The following HIVEP1 variants were observed in gnomAD, a reference collection of about 807,000 sequenced individuals.
HIVEP1 encodes HIVEP zinc finger 1.
Under a neutral mutation model 180.0 loss-of-function variants are expected in HIVEP1, and 36 were observed. The ratio of observed to expected loss-of-function variants is 0.20; its 90% confidence interval spans 0.15 to 0.26. The LOEUF (loss-of-function observed/expected upper bound fraction) is 0.26. HIVEP1 is among the 10% of genes least tolerant of loss of function. HIVEP1 has a pLI of 1.00. For synonymous variants in HIVEP1, 1,239 were observed against 1,239.0 expected (o/e 1.00, Z 0.00); for missense variants, 3,143 against 3,268.7 (o/e 0.96, Z 0.94).
chr6:12,089,265 C>T (rs575755844), intron 3 of HIVEP1, 28 bp downstream of exon 3: 94 of 1,380,532 alleles, frequency 6.8e-5, no homozygotes, highest in African/African-American at 2.9e-5. Context: ...TGAATGTAAA[C>T]TTTATTCTTG....
intron 2 of HIVEP1, among the ~76,000 whole-genome samples, chr6:12,054,247 T>TG (rs1343335838): frequency 6.6e-6 from 1 of 152,228 alleles, no homozygotes; most frequent in Non-Finnish European, 1.5e-5. Flanking sequence ...GTGGAAACTA[T>TG]GGTATGAAAA....
At chr6:12,058,063 G>A (rs561109460) in intron 2 of HIVEP1, among the ~76,000 whole-genome samples, 2 of 152,194 alleles carry the variant, frequency 1.3e-5, no homozygotes, top group South Asian at 4.1e-4. Flanking sequence ...GAGTACATAA[G>A]TCCCTGAGGC....
intron 2 of HIVEP1, among the ~76,000 whole-genome samples, chr6:12,031,674 C>T (rs1768948543): frequency 6.6e-6 from 1 of 152,182 alleles, no homozygotes; most frequent in South Asian, 2.1e-4. Flanking sequence ...CAAAAAATGC[C>T]AATGTGCTAG....
chr6:12,086,172 GC>G (rs1174905791), intron 2 of HIVEP1, among the ~76,000 whole-genome samples: 1 of 152,024 alleles, frequency 6.6e-6, no homozygotes, highest in Non-Finnish European at 1.5e-5. Context: ...TGCTGTTTTA[GC>G]CACTGGCCTT....
Position 12,124,334 on chromosome 6 carries a change from T to G in HIVEP1, c.4539T>G (p.Asn1513Lys), listed in dbSNP as rs762105898. The G allele has an allele frequency of 4.8e-5, 78 of 1,614,082 alleles. 1 individual carries two copies. The East Asian group carries it at 1.6e-3, about 34-fold the overall frequency. The change falls in exon 4 of 9, where the codon AAT (asparagine) becomes AAG (lysine). Residue 1513 changes from asparagine (N) to lysine (K), a missense_variant. Asn to Lys is a moderately conservative substitution (Grantham distance 94). Coordinates refer to ENST00000379388, the MANE Select transcript of HIVEP1 (RefSeq NM_002114.4). ...VFPVQQLCDI[N>K]LLNQIHAPPS... ...CTGTTCAACAGCTCTGTGATATCAA[T>G]TTGTTAAATCAAATCCATGCACCGC... is the stretch of plus-strand genomic sequence containing the variant.
intron 2 of HIVEP1, among the ~76,000 whole-genome samples, chr6:12,024,122 A>G (rs1358033889): frequency 6.6e-6 from 1 of 152,182 alleles, no homozygotes; most frequent in Non-Finnish European, 1.5e-5. Flanking sequence ...ATTGTTCACT[A>G]TAGCACAAAA....
chr6:12,051,522 ATGTG>A (rs1770538554), intron 2 of HIVEP1, among the ~76,000 whole-genome samples: 1 of 151,954 alleles, frequency 6.6e-6, no homozygotes, highest in African/African-American at 2.4e-5. Flanking sequence ...TGCCTTTACT[ATGTG>A]TGTGTATACA....
Position 12,129,849 on chromosome 6 carries a change from T to G in HIVEP1, c.6166T>G (p.Leu2056Val). The G allele has an allele frequency of 1.9e-6, 3 of 1,581,810 alleles. No homozygotes were observed. The highest frequency in any genetic ancestry group is 1.7e-6 in the Non-Finnish European group (2 of 1,151,906). The change falls in exon 5 of 9, where the codon TTA becomes GTA. Residue 2056 changes from leucine (L) to valine (V), a missense_variant. Coordinates refer to ENST00000379388, the MANE Select transcript of HIVEP1 (RefSeq NM_002114.4). Reference protein sequence around the residue: ...INSEQDKENSLIKSEPRRIKI... With the variant: ...INSEQDKENSVIKSEPRRIKI... ...CAGTGAGCAAGATAAAGAAAATTCC[T>G]TAATCAAAAGTGAACCAAGAAGAAT... is the stretch of plus-strand genomic sequence containing the variant.
chr6:12,138,181 A>G (rs1227039306), intron 7 of HIVEP1, among the ~76,000 whole-genome samples: 2 of 152,200 alleles, frequency 1.3e-5, no homozygotes, highest in Admixed American at 1.3e-4. Flanking sequence ...AAACAGTACC[A>G]CTTTGTATGT....
chr6:12,056,394 G>C (rs1252953852), intron 2 of HIVEP1, among the ~76,000 whole-genome samples: 1 of 152,162 alleles, frequency 6.6e-6, no homozygotes, highest in Admixed American at 6.5e-5. Flanking sequence ...ATTCATAGCA[G>C]TTAATGTCTT....
intron 2 of HIVEP1, among the ~76,000 whole-genome samples, chr6:12,045,766 AT>A (rs2113697777): frequency 6.6e-6 from 1 of 152,364 alleles, no homozygotes; most frequent in African/African-American, 2.4e-5. Flanking sequence ...GACAATTAAA[AT>A]TGCCTTATAA....
chr6:12,023,727 C>T (rs983735060), intron 2 of HIVEP1, among the ~76,000 whole-genome samples: 4 of 151,886 alleles, frequency 2.6e-5, no homozygotes, highest in Non-Finnish European at 5.9e-5. Context: ...TGCTTATTAA[C>T]GTTAGCCAAA....
At chr6:12,160,394 G>T (rs903218087) in intron 7 of HIVEP1, among the ~76,000 whole-genome samples, 1 of 152,178 alleles carries the variant, frequency 6.6e-6, no homozygotes, top group African/African-American at 2.4e-5. Context: ...GGAAATTGTA[G>T]CATCTCTCTG....
At chr6:12,113,073 G>T (rs1446643003) in intron 3 of HIVEP1, among the ~76,000 whole-genome samples, 1 of 151,860 alleles carries the variant, frequency 6.6e-6, no homozygotes, top group Non-Finnish European at 1.5e-5. Context: ...GCACTTCTCT[G>T]GCCTCGTCCT....
At chr6:12,194,979 G>A in the HIVEP1 span, among the ~76,000 whole-genome samples, 1 of 152,126 alleles carries the variant, frequency 6.6e-6, no homozygotes, top group African/African-American at 2.4e-5. Context: ...ATCAAATTAT[G>A]CAATTCTTAT....
intron 7 of HIVEP1, among the ~76,000 whole-genome samples, chr6:12,160,336 C>T (rs1029063022): frequency 2.0e-5 from 3 of 152,120 alleles, no homozygotes; most frequent in African/African-American, 7.2e-5. Flanking sequence ...GATAATATCC[C>T]CCTTTCTATG....
intron 2 of HIVEP1, among the ~76,000 whole-genome samples, chr6:12,083,207 G>A (rs9394520): frequency 0.05 from 7,536 of 152,044 alleles, 194 homozygotes; most frequent in Middle Eastern, 0.1. Flanking sequence ...AAAATGTTTA[G>A]AATTATGTCT....
intron 7 of HIVEP1, among the ~76,000 whole-genome samples, chr6:12,137,020 T>C (rs1758742774): frequency 6.6e-6 from 1 of 152,252 alleles, no homozygotes; most frequent in African/African-American, 2.4e-5. Flanking sequence ...GAGGACATCA[T>C]TGAATATATA....
chr6:12,153,953 G>A (rs1442278635), intron 7 of HIVEP1, among the ~76,000 whole-genome samples: 6 of 152,128 alleles, frequency 3.9e-5, no homozygotes, highest in Admixed American at 3.3e-4. Context: ...TTCAAGACCC[G>A]CCTGACCAAC....
Sources: gnomAD v4.1 joint callset for allele counts (sites outside exome capture counted in the v4.1 genomes callset) on GRCh38, gnomAD v4.1.1 for gene constraint, MANE v1.5 for transcripts, NCBI Gene and HGNC (gene_info 2026-07-23, HGNC 2026-07-21) for gene names.